MYO1C: variants seen among roughly 807,000 people sequenced by gnomAD.
MYO1C encodes unconventional myosin-Ic.
Under a neutral mutation model 150.8 loss-of-function variants are expected in MYO1C, and 104 were observed. The ratio of observed to expected loss-of-function variants is 0.69; its 90% CI spans 0.59 to 0.81. The LOEUF (loss-of-function observed/expected upper bound fraction) is 0.81, where lower values mean the gene tolerates loss of function less well. Among genes scored for constraint, MYO1C ranks in the 30% least tolerant of loss-of-function variants. The pLI is 0.00. For synonymous variants in MYO1C, 663 were observed against 579.9 expected, an observed-to-expected ratio of 1.14 and a Z score of -2.06; for missense variants, 1,504 against 1,435.0, an observed-to-expected ratio of 1.05 and a Z score of -0.78.
At position 1,472,173 on chromosome 17, in the gene MYO1C, T is replaced by C; in HGVS notation, c.1853A>G (p.Lys618Arg). The change falls in exon 18 of 32, where the codon AAG becomes AGG. Residue 618 changes from lysine (K) to arginine (R), a missense_variant. Coordinates refer to ENST00000648651, the MANE Select transcript of MYO1C (RefSeq NM_001080779.2). ...LLQLVEILQS[K>R]EPAYVRCIKP... Reference sequence around the variant, plus strand: ...GATGCAGCGGACGTAGGCGGGCTCCTTAGACTGCAGGATCTCCACCAGCTG... The same window carrying C: ...GATGCAGCGGACGTAGGCGGGCTCCCTAGACTGCAGGATCTCCACCAGCTG... 6.2e-7 allele frequency: 1 copy of C among 1,614,148 alleles called. No homozygotes were observed. The highest frequency in any genetic ancestry group is 8.5e-7 in the Non-Finnish European group (1 of 1,179,996).
chr17:1,475,133 A>C (rs1296974337), intron 14 of MYO1C, 101 bp from the exon 15 acceptor site: 6 of 1,228,054 alleles, frequency 4.9e-6, no homozygotes, highest in Non-Finnish European at 7.0e-6. Flanking sequence ...GCCCAGGTGC[A>C]CCCCAGGCCG....
In MYO1C at chr17:1,474,593, T is replaced by C. The variant is rs753355571; in HGVS notation, c.1797+17A>G. ...CAGGCGCATGCACCCCTGCGCCCGG[T>C]CCCGCCACCTCCTCACCGTCTCTGG... On this transcript the variant is annotated intron_variant, in intron 17 of 31. Transcript: ENST00000648651. 8.1e-6 allele frequency: 13 copies of C among 1,613,140 alleles called. No homozygotes were observed. In the South Asian group the frequency reaches 1.4e-4, roughly 18 times the overall value.
Position 1,468,262 on chromosome 17 carries a change from C to G in MYO1C, c.2751G>C (p.Glu917Asp). ...GCAGGCAGGCTCTTACCTGAATGGGCTCAGAGCCCAAGGCCTGCAGCACTC... is the reference window on the plus strand; with the variant it reads ...GCAGGCAGGCTCTTACCTGAATGGGGTCAGAGCCCAAGGCCTGCAGCACTC... ...SPRVLQALGS[E>D]PIQYAVPVVK... The change falls in exon 27 of 32, where the codon GAG becomes GAC. Residue 917 changes from glutamate (E) to aspartate (D), a missense_variant. Transcript: ENST00000648651. The G allele has an allele frequency of 6.2e-7, 1 of 1,613,676 alleles. No individual in the cohort carries two copies. Among genetic ancestry groups the G allele is most frequent in the Non-Finnish European group, 8.5e-7 (1 of 1,180,006 alleles).
Position 1,482,938 on chromosome 17 carries a change from A to T in MYO1C, c.469T>A (p.Tyr157Asn), listed in dbSNP as rs1310794536. ...TCGGGGGCTGGGCAGGTCTCTGCAT[A>T]GAACTGCAGCAGCCTCTTGGTGGCC... ...TEATKRLLQFYAETCPAPERG... is the reference protein window; with the variant it reads ...TEATKRLLQFNAETCPAPERG... The change falls in exon 4 of 32, where the codon TAT (tyrosine) becomes AAT (asparagine). Residue 157 changes from tyrosine to asparagine, a missense_variant. Coordinates refer to ENST00000648651, the MANE Select transcript of MYO1C (RefSeq NM_001080779.2). 6.3e-7 allele frequency: 1 copy of T among 1,585,034 alleles called. No homozygotes were observed. The highest frequency in any genetic ancestry group is 8.6e-7 in the Non-Finnish European group (1 of 1,166,638).
intron 31 of MYO1C, 122 bp from the exon 32 acceptor site, chr17:1,465,874 C>T (rs1365238360): frequency 5.7e-6 from 4 of 698,574 alleles, no homozygotes; most frequent in Non-Finnish European, 8.2e-6. Flanking sequence ...GCTATATTGT[C>T]CAGGCTGGTC....
chr17:1,482,458 G>C lies in MYO1C; in HGVS notation c.627+20C>G. On this transcript the variant is annotated intron_variant, in intron 5 of 31. Transcript: ENST00000648651. ...GAGCCTACTGAATGGGAATCCTCACGACACACACATCCATGGTACCTTGAA... is the reference window on the plus strand; with the variant it reads ...GAGCCTACTGAATGGGAATCCTCACCACACACACATCCATGGTACCTTGAA... The C allele has an allele frequency of 6.2e-7, 1 of 1,608,046 alleles. No homozygotes were observed. Among genetic ancestry groups the C allele is most frequent in the Non-Finnish European group, 8.5e-7 (1 of 1,174,632 alleles).
chr17:1,472,178 C>T lies in MYO1C; in HGVS notation c.1848G>A (p.Gln616=), dbSNP rs757676812. ...AGCGGACGTAGGCGGGCTCCTTAGA[C>T]TGCAGGATCTCCACCAGCTGCAGGA... ...MSLLQLVEIL[Q]SKEPAYVRCI... Residue 616 remains glutamine (Q), a synonymous_variant, in exon 18 of 32, where the codon CAG becomes CAA. Transcript: ENST00000648651. 1.2e-6 allele frequency: 2 copies of T among 1,614,192 alleles called. No individual in the cohort carries two copies. Among genetic ancestry groups the T allele is most frequent in the Non-Finnish European group, 1.7e-6 (2 of 1,180,018 alleles).
At chr17:1,469,508 T>G in intron 25 of MYO1C, 23 bp downstream of exon 25, 1 of 1,585,054 alleles carries the variant, frequency 6.3e-7, no homozygotes, top group Non-Finnish European at 8.6e-7. Context: ...TTCCTCATCC[T>G]CACCCAGCCC....
At chr17:1,474,027 C>G (rs1382582636) in intron 17 of MYO1C, among the ~76,000 whole-genome samples, 2 of 151,978 alleles carry the variant, frequency 1.3e-5, no homozygotes, top group African/African-American at 2.4e-5. Flanking sequence ...AGGCAGCTGT[C>G]AACATATGGG....
Position 1,479,050 on chromosome 17 carries a change from G to A in MYO1C, c.1093-315C>T, listed in dbSNP as rs113300319. ...TTTTTTTGAGACAGAGTCTAGCTCT[G>A]TTGCCGTGATCTCGGCTCACTGCAA... On this transcript the variant is annotated intron_variant, in intron 9 of 31. Coordinates refer to ENST00000648651, the MANE Select transcript of MYO1C (RefSeq NM_001080779.2). This position sits in a 1 kb window ranked among gnomAD's most constrained non-coding sequence, Gnocchi z 4.2. Among the ~76,000 whole-genome samples the A allele has an allele frequency of 1.0e-3, 159 of 152,176 alleles. 3 individuals are homozygous for A. The highest frequency in any genetic ancestry group is 3.5e-3 in the African/African-American group (146 of 41,542).
At chr17:1,467,417 C>T (rs1360186755) in intron 30 of MYO1C, 63 bp downstream of exon 30, 3 of 1,598,766 alleles carry the variant, frequency 1.9e-6, no homozygotes, top group Non-Finnish European at 2.6e-6. Flanking sequence ...CACCCTGTCC[C>T]TGGGTGCCCA....
At chr17:1,475,134 C>T (rs938162242) in intron 14 of MYO1C, 102 bp from the exon 15 acceptor site, 1 of 1,214,754 alleles carries the variant, frequency 8.2e-7, no homozygotes, top group African/African-American at 1.5e-5. Context: ...CCCAGGTGCA[C>T]CCCAGGCCGG....
chr17:1,465,258 A>C lies in MYO1C; in HGVS notation c.*468T>G, dbSNP rs2150923985. On this transcript the variant is annotated 3_prime_UTR_variant, in exon 32 of 32. Coordinates refer to ENST00000648651, the MANE Select transcript of MYO1C (RefSeq NM_001080779.2). ...AGAAAGACAAGGTGCCAAGGGAATC[A>C]GGAGGAGAGGTGTCCTGGCCAGGGA... 1 of 153,738 alleles carries C rather than the reference A, an allele frequency of 6.5e-6. No individual in the cohort carries two copies. Among genetic ancestry groups the C allele is most frequent in the East Asian group, 1.9e-4 (1 of 5,226 alleles). 9.5% of individuals were successfully genotyped at this position (153,738 alleles called of 1,614,324 possible).
chr17:1,477,462 G>T, intron 14 of MYO1C, 43 bp downstream of exon 14: 2 of 1,570,910 alleles, frequency 1.3e-6, no homozygotes, highest in Non-Finnish European at 1.8e-6. Context: ...AGGCTCTGCT[G>T]CAAGTGAGCC....
In MYO1C at chr17:1,478,351, A is replaced by G; in HGVS notation, c.1295+59T>C. 6.2e-7 allele frequency: 1 copy of G among 1,602,730 alleles called. No individual in the cohort carries two copies. The highest frequency in any genetic ancestry group is 8.5e-7 in the Non-Finnish European group (1 of 1,169,684). On this transcript the variant is annotated intron_variant, in intron 11 of 31. Coordinates refer to ENST00000648651, the MANE Select transcript of MYO1C (RefSeq NM_001080779.2). This position sits in a 1 kb window ranked among gnomAD's most constrained non-coding sequence, Gnocchi z 6.3. ...GGGCAGGAATGAGAGGCTGGAGGAC[A>G]GAAGAGAGGGAGCAGGACAGGAGAC... is the stretch of plus-strand genomic sequence containing the variant.
At chr17:1,477,625 G>A (rs1255045124) in intron 13 of MYO1C, 29 bp from the exon 14 acceptor site, 7 of 1,554,452 alleles carry the variant, frequency 4.5e-6, no homozygotes, top group East Asian at 2.2e-5. Context: ...GGGGAAGGAC[G>A]TATGGGGGAC....
intron 31 of MYO1C, among the ~76,000 whole-genome samples, chr17:1,467,019 A>G (rs2074186585): frequency 6.6e-6 from 1 of 152,188 alleles, no homozygotes; most frequent in Middle Eastern, 3.4e-3. Flanking sequence ...CAGCCTCCCA[A>G]AGTGCTGGGA....
rs865920900 is a variant in MYO1C at position 1,480,775 on chromosome 17, C to T, written c.738G>A (p.Gly246=). ...GCCTGCGAAGAGTCTCCTCCTCGCC[C>T]CCCTCCAGCAGCTGGTAGAAGATGT... The part of the protein sequence containing the change: ...NFHIFYQLLE[G]GEEETLRRLG... Residue 246 remains glycine, a synonymous_variant, in exon 6 of 32, where the codon GGG becomes GGA. Transcript: ENST00000648651. 2.5e-6 allele frequency: 4 copies of T among 1,614,156 alleles called. No homozygotes were observed. Among genetic ancestry groups the T allele is most frequent in the African/African-American group, 2.7e-5 (2 of 75,044 alleles).
At position 1,472,041 on chromosome 17, in the gene MYO1C, G is replaced by C; in HGVS notation, c.1904-17C>G. ...CAAAGCGGCCTGGGGTAGGGGGAGCGCCGTGGTCAGCGGGCTGGCGCTGAC... is the reference window on the plus strand; with the variant it reads ...CAAAGCGGCCTGGGGTAGGGGGAGCCCCGTGGTCAGCGGGCTGGCGCTGAC... On this transcript the variant is annotated splice_polypyrimidine_tract_variant and intron_variant, in intron 18 of 31. Coordinates refer to ENST00000648651, the MANE Select transcript of MYO1C (RefSeq NM_001080779.2). 1 of 1,613,492 alleles carries C rather than the reference G, an allele frequency of 6.2e-7. No individual in the cohort carries two copies. Among genetic ancestry groups the C allele is most frequent in the Non-Finnish European group, 8.5e-7 (1 of 1,179,692 alleles).
Sources: gnomAD v4.1 joint callset for allele counts (sites outside exome capture counted in the v4.1 genomes callset) on GRCh38, gnomAD v4.1.1 for gene constraint, Gnocchi (gnomAD v3.1) non-coding constraint, MANE v1.5 for transcripts, NCBI Gene and HGNC (gene_info 2026-07-23, HGNC 2026-07-21) for gene names.